The following MCM10 variants were observed in gnomAD, a reference collection of about 807,000 sequenced individuals.
MCM10 encodes the protein protein MCM10 homolog.
Under a neutral mutation model 109.9 loss-of-function variants are expected in MCM10, and 91 were observed. The observed-to-expected ratio is 0.83, with a 90% CI of 0.70 to 0.99. The LOEUF is 0.99. Among genes scored for constraint, MCM10 ranks in the 50% least tolerant of loss-of-function variants. The pLI is 0.00. For synonymous variants in MCM10, 380 were observed against 387.2 expected (o/e 0.98, Z 0.22); for missense variants, 1,077 against 1,061.2 (o/e 1.01, Z -0.21).
intron 2 of MCM10, among the ~76,000 whole-genome samples, chr10:13,166,452 A>G (rs896706451): frequency 7.9e-5 from 12 of 151,876 alleles, no homozygotes; most frequent in Admixed American, 4.6e-4. Context: ...CCTGACCAAC[A>G]TGGAGAAACC....
At chr10:13,192,648 A>G (rs1834364510) in intron 13 of MCM10, 80 bp downstream of exon 13, 2 of 1,311,144 alleles carry the variant, frequency 1.5e-6, no homozygotes, top group Non-Finnish European at 2.2e-6. Flanking sequence ...GATTTCCAGA[A>G]TGTGACTTCA....
chr10:13,192,137 C>T (rs542251621), intron 11 of MCM10, 118 bp from the exon 12 acceptor site: 21 of 629,390 alleles, frequency 3.3e-5, no homozygotes, highest in East Asian at 3.3e-4. Context: ...CTTGGGATTC[C>T]GTCTTCTTCG....
intron 6 of MCM10, 93 bp from the exon 7 acceptor site, chr10:13,180,349 T>C (rs1264015008): frequency 1.1e-5 from 12 of 1,097,556 alleles, no homozygotes; most frequent in Non-Finnish European, 1.5e-5. Flanking sequence ...ACTGTAGAGG[T>C]TTCTGACCAT....
At chr10:13,206,304 A>G (rs568631421) in intron 18 of MCM10, among the ~76,000 whole-genome samples, 8 of 152,292 alleles carry the variant, frequency 5.3e-5, no homozygotes, top group African/African-American at 1.9e-4. Flanking sequence ...CGGGCACCCT[A>G]TACCCTCCCC....
chr10:13,192,332 T>G lies in MCM10; in HGVS notation c.1594T>G (p.Leu532Val), dbSNP rs768649101. The G allele has an allele frequency of 5.0e-6, 8 of 1,610,344 alleles. No individual in the cohort carries two copies. In the South Asian group the frequency reaches 7.8e-5, roughly 16 times the overall value. Reference sequence around the variant, plus strand: ...CCTGCCGACGTGTGGAGCCAGGAACTTAAAACAACATTTAGCCAAAGCCAC... The same window carrying G: ...CCTGCCGACGTGTGGAGCCAGGAACGTAAAACAACATTTAGCCAAAGCCAC... ...MDLPTCGARN[L>V]KQHLAKATAS... The change falls in exon 12 of 20, where the codon TTA (leucine) becomes GTA (valine). Residue 532 changes from leucine to valine, a missense_variant. Leu to Val is a conservative substitution (Grantham distance 32). Coordinates refer to ENST00000378714, the MANE Select transcript of MCM10 (RefSeq NM_018518.5).
chr10:13,181,726 G>A (rs565963223), intron 7 of MCM10, among the ~76,000 whole-genome samples: 1 of 152,294 alleles, frequency 6.6e-6, no homozygotes, highest in Non-Finnish European at 1.5e-5. Context: ...CACTAGCCCT[G>A]TCACTGTTGA....
intron 1 of MCM10, among the ~76,000 whole-genome samples, chr10:13,163,746 G>T (rs773223638): frequency 6.6e-6 from 1 of 152,126 alleles, no homozygotes; most frequent in Non-Finnish European, 1.5e-5. Flanking sequence ...GACCAGGCTG[G>T]TCTCAAACTT....
intron 18 of MCM10, among the ~76,000 whole-genome samples, chr10:13,206,259 C>G (rs1250836610): frequency 6.6e-6 from 1 of 152,208 alleles, no homozygotes; most frequent in Non-Finnish European, 1.5e-5. Context: ...TAACTGATGA[C>G]AGTGCCCAAG....
chr10:13,200,472 TC>T (rs1455521176), intron 16 of MCM10, among the ~76,000 whole-genome samples: 1 of 152,262 alleles, frequency 6.6e-6, no homozygotes, highest in Non-Finnish European at 1.5e-5. Flanking sequence ...GATCTGTTCT[TC>T]CTTTGATTAA....
At position 13,209,372 on chromosome 10, in the gene MCM10, A is replaced by G. The variant is rs1266909792; in HGVS notation, c.*62A>G. On this transcript the variant is annotated 3_prime_UTR_variant, in exon 20 of 20. Coordinates refer to ENST00000378714, the MANE Select transcript of MCM10 (RefSeq NM_018518.5). ...CTCCTGTGACTCTGGAAAGCAAAGGATTGGCTGTGTATTGTCCATTGATTC... is the reference window on the plus strand; with the variant it reads ...CTCCTGTGACTCTGGAAAGCAAAGGGTTGGCTGTGTATTGTCCATTGATTC... 23 of 1,309,204 alleles carry G rather than the reference A, an allele frequency of 1.8e-5. 1 individual carries two copies. The Admixed American group carries it at 3.9e-4, about 22-fold the overall frequency. 81.1% of individuals were successfully genotyped at this position (1,309,204 alleles called of 1,614,324 possible).
chr10:13,180,383 G>A, intron 6 of MCM10, 59 bp from the exon 7 acceptor site: 4 of 1,471,244 alleles, frequency 2.7e-6, no homozygotes, highest in Non-Finnish European at 3.7e-6. Context: ...CACCTGCTAA[G>A]GTGCCAGGTA....
chr10:13,163,010 C>T (rs1165231808), intron 1 of MCM10, among the ~76,000 whole-genome samples: 5 of 151,052 alleles, frequency 3.3e-5, no homozygotes, highest in Admixed American at 6.6e-5. Flanking sequence ...ACCCGGGAGG[C>T]GGAGCTTGCA....
intron 6 of MCM10, among the ~76,000 whole-genome samples, chr10:13,176,479 A>G (rs1834143241): frequency 6.6e-6 from 1 of 152,228 alleles, no homozygotes; most frequent in South Asian, 2.1e-4. Context: ...TTGAGGAACC[A>G]AGTGAAACCC....
chr10:13,163,188 A>C (rs1833950889), intron 1 of MCM10, among the ~76,000 whole-genome samples: 1 of 151,814 alleles, frequency 6.6e-6, no homozygotes, highest in Non-Finnish European at 1.5e-5. Flanking sequence ...AAAACACAAA[A>C]ATTAGCCGGG....
At chr10:13,209,065 G>C (rs370188281) in intron 18 of MCM10, 26 bp from the exon 19 acceptor site, 147 of 1,591,840 alleles carry the variant, frequency 9.2e-5, no homozygotes, top group Non-Finnish European at 1.1e-4. Context: ...CCACCCTGCT[G>C]AGTAAATCCA....
At chr10:13,195,717 T>A (rs1052813384) in intron 14 of MCM10, 1 of 152,310 alleles carries the variant, frequency 6.6e-6, no homozygotes, top group African/African-American at 2.4e-5. Flanking sequence ...TTCAAGCGAT[T>A]GTCCTGCTTC....
chr10:13,180,853 C>T (rs1169912436), intron 7 of MCM10, among the ~76,000 whole-genome samples: 1 of 152,140 alleles, frequency 6.6e-6, no homozygotes, highest in East Asian at 1.9e-4. Context: ...TACTGCATTT[C>T]ACTTGTCATT....
rs1834645676 is a variant in MCM10, at chr10:13,210,424, C to T, written c.*1114C>T. The T allele has an allele frequency of 1.3e-5, 2 of 152,026 alleles. No individual in the cohort carries two copies. Among genetic ancestry groups the T allele is most frequent in the South Asian group, 4.1e-4 (2 of 4,824 alleles). 9.4% of individuals were successfully genotyped at this position (152,026 alleles called of 1,614,324 possible). On this transcript the variant is annotated 3_prime_UTR_variant, in exon 20 of 20. Coordinates refer to ENST00000378714, the MANE Select transcript of MCM10 (RefSeq NM_018518.5). Reference sequence around the variant, plus strand: ...CCTGGTTTTCCAAATATCATTTGACCTAAGTGAATGTTGATACTAGCTAAA... The same window carrying T: ...CCTGGTTTTCCAAATATCATTTGACTTAAGTGAATGTTGATACTAGCTAAA...
chr10:13,186,424 GT>G (rs1834275572), intron 9 of MCM10, 144 bp downstream of exon 9: 1 of 552,392 alleles, frequency 1.8e-6, no homozygotes, highest in African/African-American at 1.9e-5. Context: ...TTAATGTGTG[GT>G]TAATAACTGC....
Sources: allele counts gnomAD v4.1 joint callset (sites outside exome capture counted in the v4.1 genomes callset), GRCh38; gene constraint gnomAD v4.1.1; transcripts MANE v1.5; gene names NCBI Gene and HGNC (gene_info 2026-07-23, HGNC 2026-07-21).